The following C11orf65 variants were observed in gnomAD, a reference collection of about 807,000 sequenced individuals.
C11orf65 encodes chromosome 11 open reading frame 65.
A neutral mutation model predicts 35.3 loss-of-function variants in C11orf65; 38 were observed. The observed-to-expected ratio is 1.08, with a 90% CI of 0.83 to 1.41. C11orf65 has a LOEUF of 1.41. Ranked by LOEUF, C11orf65 falls within the 40% of genes most tolerant of loss-of-function variation. C11orf65 has a pLI of 0.00. For missense variants in C11orf65, 370 were observed against 367.1 expected, an observed-to-expected ratio of 1.01 and a Z score of -0.06; for synonymous variants, 105 against 114.4, an observed-to-expected ratio of 0.92 and a Z score of 0.53.
In C11orf65 at chr11:108,312,426, A is replaced by C. The variant is rs945198632; in HGVS notation, c.641-3355T>G. 2 of 1,595,842 alleles carry C rather than the reference A, an allele frequency of 1.3e-6. No individual in the cohort carries two copies. The highest frequency in any genetic ancestry group is 1.7e-6 in the Non-Finnish European group (2 of 1,163,674). On this transcript the variant is annotated intron_variant, in intron 6 of 6. Coordinates refer to the C11orf65 transcript ENST00000525729. ...TGACAAACAGAAGTCTTGCATTTGA[A>C]GAAGGAAGCCAGAGTACAACTATTT...
intron 2 of C11orf65, among the ~76,000 whole-genome samples, chr11:108,356,314 T>A (rs2089916992): frequency 6.6e-6 from 1 of 152,108 alleles, no homozygotes; most frequent in Non-Finnish European, 1.5e-5. Context: ...GACAGGTGGA[T>A]CACCTGAGGT....
chr11:108,404,138 T>A (rs1405171565), intron 6 of C11orf65, among the ~76,000 whole-genome samples: 2 of 152,152 alleles, frequency 1.3e-5, no homozygotes, highest in African/African-American at 4.8e-5. Flanking sequence ...CATCTATAGA[T>A]CTATACTTCT....
chr11:108,443,733 A>G (rs938207755), intron 2 of C11orf65, among the ~76,000 whole-genome samples: 1 of 152,142 alleles, frequency 6.6e-6, no homozygotes, highest in Admixed American at 6.5e-5. Flanking sequence ...GGTACATAAC[A>G]AAATGAAGGC....
intron 2 of C11orf65, among the ~76,000 whole-genome samples, chr11:108,352,042 A>G (rs568206068): frequency 2.0e-5 from 3 of 152,250 alleles, no homozygotes; most frequent in African/African-American, 7.2e-5. Context: ...GGTGACTCCC[A>G]AAGGCATTAA....
At chr11:108,361,610 A>G (rs537708268) in intron 2 of C11orf65, among the ~76,000 whole-genome samples, 1 of 151,920 alleles carries the variant, frequency 6.6e-6, no homozygotes, top group South Asian at 2.1e-4. Context: ...ATATAGATCA[A>G]TGGAACAGAA....
chr11:108,469,376 T>C (rs966487842), upstream of C11orf65, among the ~76,000 whole-genome samples: 3 of 151,814 alleles, frequency 2.0e-5, no homozygotes, highest in African/African-American at 7.3e-5. Flanking sequence ...CAGTAAATAA[T>C]TTAGAACAAA....
chr11:108,357,433 G>A (rs1161775473), intron 2 of C11orf65, among the ~76,000 whole-genome samples: 1 of 152,230 alleles, frequency 6.6e-6, no homozygotes, highest in Admixed American at 6.5e-5. Context: ...CGAACTGGGT[G>A]GAACCCACCA....
chr11:108,464,862 A>G (rs2093515846), intron 1 of C11orf65, among the ~76,000 whole-genome samples: 1 of 152,086 alleles, frequency 6.6e-6, no homozygotes. Context: ...AACTTCATTA[A>G]AAAAAACAGC....
intron 6 of C11orf65, among the ~76,000 whole-genome samples, chr11:108,313,936 C>T (rs1025417120): frequency 2.0e-5 from 3 of 151,900 alleles, no homozygotes; most frequent in East Asian, 1.9e-4. Flanking sequence ...CAGAATATAT[C>T]TTTTCTGTGT....
intron 3 of C11orf65, among the ~76,000 whole-genome samples, chr11:108,416,957 G>C (rs2092742394): frequency 6.6e-6 from 1 of 152,102 alleles, no homozygotes; most frequent in African/African-American, 2.4e-5. Flanking sequence ...TTGTCTGGGA[G>C]AAGATAAAAA....
intron 3 of C11orf65, among the ~76,000 whole-genome samples, chr11:108,429,787 C>T (rs1326857568): frequency 6.6e-6 from 1 of 152,150 alleles, no homozygotes; most frequent in Non-Finnish European, 1.5e-5. Context: ...AGTATATACA[C>T]ACAATGGAAT....
chr11:108,321,490 TA>T, intron 6 of C11orf65: 1 of 1,607,314 alleles, frequency 6.2e-7, no homozygotes, highest in Non-Finnish European at 8.5e-7. Flanking sequence ...CTTTAAAAAA[TA>T]AAAACTATAG....
At position 108,353,811 on chromosome 11, in the gene C11orf65, T is replaced by C. The variant is rs730881328; in HGVS notation, c.227-18519A>G. 3 of 1,614,006 alleles carry C rather than the reference T, an allele frequency of 1.9e-6. No individual in the cohort carries two copies. The highest frequency in any genetic ancestry group is 2.5e-6 in the Non-Finnish European group (3 of 1,179,994). On this transcript the variant is annotated intron_variant, in intron 2 of 3. Transcript: ENST00000524755. ...AAAATCCTTCCTACTCCTGAGACAG[T>C]TCCTTTTAGACTCACCAGAGATATT...
chr11:108,405,854 T>C (rs1368856653), intron 5 of C11orf65, among the ~76,000 whole-genome samples: 1 of 152,234 alleles, frequency 6.6e-6, no homozygotes, highest in African/African-American at 2.4e-5. Context: ...CTCACATGAA[T>C]AGACCTGACC....
At chr11:108,381,945 TCTC>T (rs2091874102), downstream of C11orf65, among the ~76,000 whole-genome samples, 1 of 152,104 alleles carries the variant, frequency 6.6e-6, no homozygotes, top group Non-Finnish European at 1.5e-5. Context: ...GCTCTCTCTC[TCTC>T]TCTCTCTCAG....
intron 2 of C11orf65, among the ~76,000 whole-genome samples, chr11:108,448,129 G>C (rs2135594559): frequency 6.6e-6 from 1 of 152,286 alleles, no homozygotes; most frequent in East Asian, 1.9e-4. Context: ...ATCTGAAATT[G>C]TGGCAATAAT....
intron 2 of C11orf65, among the ~76,000 whole-genome samples, chr11:108,374,148 A>T (rs1446715593): frequency 2.0e-5 from 3 of 151,996 alleles, no homozygotes; most frequent in Non-Finnish European, 4.4e-5. Flanking sequence ...TTCTCCCAGC[A>T]CGCAGTTTGA....
rs1555142814 is a variant in C11orf65 at position 108,353,785 on chromosome 11, C to A, written c.227-18493G>T. On this transcript the variant is annotated intron_variant, in intron 2 of 3. Transcript: ENST00000524755. ...CTTTAGGTGTTGCTTTTGAACAGGGCAAAATCCTTCCTACTCCTGAGACAG... is the reference window on the plus strand; with the variant it reads ...CTTTAGGTGTTGCTTTTGAACAGGGAAAAATCCTTCCTACTCCTGAGACAG... 6.2e-7 allele frequency: 1 copy of A among 1,613,916 alleles called. No homozygotes were observed. Among genetic ancestry groups the A allele is most frequent in the Non-Finnish European group, 8.5e-7 (1 of 1,179,846 alleles).
chr11:108,333,642 G>A (rs953365407), intron 3 of C11orf65, among the ~76,000 whole-genome samples: 2 of 152,128 alleles, frequency 1.3e-5, no homozygotes, highest in Non-Finnish European at 2.9e-5. Flanking sequence ...GGTTCCTCAG[G>A]TGGAATCTGG....
Sources: gnomAD v4.1 joint callset for allele counts (sites outside exome capture counted in the v4.1 genomes callset) on GRCh38, gnomAD v4.1.1 for gene constraint, MANE v1.5 for transcripts, NCBI Gene and HGNC (gene_info 2026-07-23, HGNC 2026-07-21) for gene names.